The following LHFPL4 variants were observed in gnomAD, a reference collection of about 807,000 sequenced individuals.
LHFPL4 encodes LHFPL tetraspan subfamily member 4.
LHFPL4 carries 6 observed loss-of-function variants against 20.0 expected under a neutral mutation model. The ratio of observed to expected loss-of-function variants is 0.30; its 90% CI spans 0.16 to 0.59. LHFPL4 has a LOEUF of 0.59. Among genes scored for constraint, LHFPL4 ranks in the 20% least tolerant of loss-of-function variants. The probability of loss-of-function intolerance (pLI) is 0.88; values close to 1 mark genes in which losing one functional copy is unlikely to be tolerated. For synonymous variants in LHFPL4, 129 were observed against 143.8 expected, an observed-to-expected ratio of 0.90 and a Z score of 0.74; for missense variants, 215 against 331.2, an observed-to-expected ratio of 0.65 and a Z score of 2.72.
intron 2 of LHFPL4, among the ~76,000 whole-genome samples, chr3:9,524,431 G>T (rs2046360845): frequency 6.6e-6 from 1 of 151,974 alleles, no homozygotes; most frequent in African/African-American, 2.4e-5. Flanking sequence ...AAGTTTGTTT[G>T]TTAGTTTGTT....
intron 2 of LHFPL4, among the ~76,000 whole-genome samples, chr3:9,530,991 A>C (rs906069181): frequency 2.0e-5 from 3 of 152,186 alleles, no homozygotes; most frequent in African/African-American, 7.2e-5. Context: ...TAACTGGCCT[A>C]ATTTCAAAAC....
intron 2 of LHFPL4, among the ~76,000 whole-genome samples, chr3:9,507,977 A>AGG (rs1201916441): frequency 6.6e-6 from 1 of 152,184 alleles, no homozygotes; most frequent in African/African-American, 2.4e-5. Context: ...AAGGTTCCAG[A>AGG]GGGCTCTGTT....
intron 2 of LHFPL4, among the ~76,000 whole-genome samples, chr3:9,530,347 C>A (rs918501097): frequency 2.6e-5 from 4 of 152,236 alleles, no homozygotes; most frequent in African/African-American, 9.6e-5. Flanking sequence ...ACATCACCAC[C>A]TGCTGCTTTA....
At chr3:9,534,440 A>G (rs1278435895) in intron 2 of LHFPL4, among the ~76,000 whole-genome samples, 1 of 152,242 alleles carries the variant, frequency 6.6e-6, no homozygotes, top group Non-Finnish European at 1.5e-5. Flanking sequence ...TCATGGTAAC[A>G]AATACTGCAC....
rs1205735102 is a variant in LHFPL4, at chr3:9,501,338, A to G, written c.*873T>C. The G allele has an allele frequency of 6.5e-6, 1 of 152,842 alleles. No individual in the cohort carries two copies. The highest frequency in any genetic ancestry group is 1.5e-5 in the Non-Finnish European group (1 of 68,526). 9.5% of individuals were successfully genotyped at this position (152,842 alleles called of 1,614,324 possible). On this transcript the variant is annotated 3_prime_UTR_variant, in exon 4 of 4. Transcript: ENST00000287585. ...CAGGGCCAAGAAGTCTGTGCTGTACAAAACAGGCCAGGGTCAAGGGTCCAG... is the reference window on the plus strand; with the variant it reads ...CAGGGCCAAGAAGTCTGTGCTGTACGAAACAGGCCAGGGTCAAGGGTCCAG...
rs377487326 is a variant in LHFPL4 at position 9,529,249 on chromosome 3, G to A, written c.406+23025C>T. On this transcript the variant is annotated intron_variant, in intron 2 of 3. Transcript: ENST00000287585. Reference sequence around the variant, plus strand: ...TCACCATGTTGGCCAGGCTGGTCTCGAACTCCTGATCTTGTGATCCACCCA... The same window carrying A: ...TCACCATGTTGGCCAGGCTGGTCTCAAACTCCTGATCTTGTGATCCACCCA... 1.2e-3 allele frequency among the ~76,000 whole-genome samples: 175 copies of A among 151,802 alleles called. 5 individuals carry two copies. The South Asian group carries it at 0.034, about 30-fold the overall frequency.
Position 9,547,583 on chromosome 3 carries a change from G to T in LHFPL4, c.406+4691C>A, listed in dbSNP as rs180993315. 1.2e-3 allele frequency among the ~76,000 whole-genome samples: 187 copies of T among 152,308 alleles called. 1 individual carries two copies. Among genetic ancestry groups the T allele is most frequent in the African/African-American group, 4.1e-3 (171 of 41,566 alleles). On this transcript the variant is annotated intron_variant, in intron 2 of 3. Transcript: ENST00000287585. ...GGAGCAAGTTATTTCAACAGATGAG[G>T]ATTAAATGACAACGAGTGTGAAAAC... is the stretch of plus-strand genomic sequence containing the variant.
In LHFPL4 at chr3:9,531,188, G is replaced by C. The variant is rs111914225; in HGVS notation, c.406+21086C>G. On this transcript the variant is annotated intron_variant, in intron 2 of 3. Transcript: ENST00000287585. ...TCACTGATCACAGATCACCATAAAA[G>C]ATATAATCATAATAGAAAGGTTTGA... is the stretch of plus-strand genomic sequence containing the variant. 1.6e-3 allele frequency among the ~76,000 whole-genome samples: 248 copies of C among 152,224 alleles called. 2 individuals are homozygous for C. Among genetic ancestry groups the C allele is most frequent in the African/African-American group, 5.7e-3 (238 of 41,544 alleles).
intron 2 of LHFPL4, among the ~76,000 whole-genome samples, chr3:9,526,732 G>A (rs2046378036): frequency 6.6e-6 from 1 of 151,874 alleles, no homozygotes. Flanking sequence ...CTTATAGGAA[G>A]AGAAGAGAAA....
intron 2 of LHFPL4, among the ~76,000 whole-genome samples, chr3:9,530,344 C>G (rs556616308): frequency 6.6e-6 from 1 of 152,330 alleles, no homozygotes; most frequent in East Asian, 1.9e-4. Flanking sequence ...TCTACATCAC[C>G]ACCTGCTGCT....
intron 2 of LHFPL4, among the ~76,000 whole-genome samples, chr3:9,514,462 C>CT (rs1483003201): frequency 6.6e-6 from 1 of 152,184 alleles, no homozygotes; most frequent in African/African-American, 2.4e-5. Context: ...CATCCCCCAC[C>CT]AGGGTGGCAT....
chr3:9,508,530 A>C (rs1007377534), intron 2 of LHFPL4, among the ~76,000 whole-genome samples: 1 of 152,194 alleles, frequency 6.6e-6, no homozygotes, highest in Non-Finnish European at 1.5e-5. Flanking sequence ...CCGGGGCTAG[A>C]CATGCAAATC....
rs1377151669 is a variant in LHFPL4, at chr3:9,506,514, C to G, written c.407-311G>C. On this transcript the variant is annotated intron_variant, in intron 2 of 3. Coordinates refer to ENST00000287585, the MANE Select transcript of LHFPL4 (RefSeq NM_198560.3). This position sits in a 1 kb window ranked among gnomAD's most constrained non-coding sequence, Gnocchi z 4.5. ...CATAGCCACCCACAGCCACCTCCTTCAACTTCCTCTAGCATCGGGACCAAC... is the reference window on the plus strand; with the variant it reads ...CATAGCCACCCACAGCCACCTCCTTGAACTTCCTCTAGCATCGGGACCAAC... Among the ~76,000 whole-genome samples, 3 of 152,196 alleles carry G rather than the reference C, an allele frequency of 2.0e-5. No homozygotes were observed. The highest frequency in any genetic ancestry group is 4.4e-5 in the Non-Finnish European group (3 of 68,036).
chr3:9,525,188 T>C (rs1300490323), intron 2 of LHFPL4, among the ~76,000 whole-genome samples: 1 of 152,116 alleles, frequency 6.6e-6, no homozygotes, highest in African/African-American at 2.4e-5. Context: ...CATGAGGGGA[T>C]TTTTCTTCAA....
chr3:9,522,973 G>A lies in LHFPL4; in HGVS notation c.407-16770C>T, dbSNP rs189774221. Among the ~76,000 whole-genome samples, 61 of 149,214 alleles carry A rather than the reference G, an allele frequency of 4.1e-4. No homozygotes were observed. In the East Asian group the frequency reaches 1.0e-2, roughly 24 times the overall value. ...GGAGAATGGTGTGAACCAGGGAGGC[G>A]GAGCTTGCAGTGAGCCGAGATCGTG... On this transcript the variant is annotated intron_variant, in intron 2 of 3. Transcript: ENST00000287585.
At position 9,499,743 on chromosome 3, in the gene LHFPL4, C is replaced by G. The variant is rs1289468306; in HGVS notation, c.*2468G>C. On this transcript the variant is annotated 3_prime_UTR_variant, in exon 4 of 4. Coordinates refer to ENST00000287585, the MANE Select transcript of LHFPL4 (RefSeq NM_198560.3). ...CCAGGGCACAGGTTTGGTGGGTGTCCTTGGGGAACAAGGTGTGGCAAGGAC... is the reference window on the plus strand; with the variant it reads ...CCAGGGCACAGGTTTGGTGGGTGTCGTTGGGGAACAAGGTGTGGCAAGGAC... The G allele has an allele frequency of 2.0e-5, 3 of 152,168 alleles. No homozygotes were observed. The highest frequency in any genetic ancestry group is 2.0e-4 in the Admixed American group (3 of 15,274). The allele number at this position is 152,168 out of a possible 1,614,324, so 9.4% of individuals were successfully genotyped here.
intron 2 of LHFPL4, among the ~76,000 whole-genome samples, chr3:9,519,428 A>G (rs1010034257): frequency 6.6e-6 from 1 of 152,086 alleles, no homozygotes; most frequent in African/African-American, 2.4e-5. Context: ...CTCATAGTTA[A>G]CCTGGGTAGA....
chr3:9,509,274 A>T (rs2648420), intron 2 of LHFPL4, among the ~76,000 whole-genome samples: 140,256 of 146,160 alleles, frequency 0.96, 67,348 homozygotes, highest in Middle Eastern at 1. Context: ...TTGTCTACCT[A>T]GTGCTCAAGT....
chr3:9,531,512 T>C (rs1393531562), intron 2 of LHFPL4, among the ~76,000 whole-genome samples: 1 of 151,892 alleles, frequency 6.6e-6, no homozygotes, highest in Non-Finnish European at 1.5e-5. Context: ...TTTTAAGAAA[T>C]AAGAAACTCA....
Sources: allele counts gnomAD v4.1 joint callset (sites outside exome capture counted in the v4.1 genomes callset), GRCh38; gene constraint gnomAD v4.1.1; non-coding constraint Gnocchi (gnomAD v3.1); transcripts MANE v1.5; gene names NCBI Gene and HGNC (gene_info 2026-07-23, HGNC 2026-07-21).